The following SP140L variants were observed in gnomAD, a reference collection of about 807,000 sequenced individuals.
SP140L encodes the protein SP140 like nuclear body protein.
SP140L carries 64 observed loss-of-function variants against 84.3 expected under a neutral mutation model. The observed-to-expected ratio is 0.76, with a 90% confidence interval of 0.62 to 0.94. The LOEUF is 0.94. Among genes scored for constraint, SP140L ranks in the 40% least tolerant of loss-of-function variants. SP140L has a pLI of 0.00. For missense variants in SP140L, 628 were observed against 692.5 expected (o/e 0.91, Z 1.05); for synonymous variants, 242 against 236.9 (o/e 1.02, Z -0.20).
chr2:230,388,554 C>G lies in SP140L; in HGVS notation c.785-5C>G. 2 of 1,603,664 alleles carry G rather than the reference C, an allele frequency of 1.2e-6. No individual in the cohort carries two copies. The highest frequency in any genetic ancestry group is 8.5e-7 in the Non-Finnish European group (1 of 1,176,416). Reference sequence around the variant, plus strand: ...AACTGTGATTTTATTATTCTACTTTCTCAGGGAGAAAGAGAGGCAAACCTG... The same window carrying G: ...AACTGTGATTTTATTATTCTACTTTGTCAGGGAGAAAGAGAGGCAAACCTG... On this transcript the variant is annotated splice_polypyrimidine_tract_variant and splice_region_variant and intron_variant, in intron 9 of 18. Transcript: ENST00000415673.
At chr2:230,398,843 G>A (rs557615097) in intron 14 of SP140L, among the ~76,000 whole-genome samples, 5 of 152,230 alleles carry the variant, frequency 3.3e-5, no homozygotes, top group African/African-American at 9.6e-5. Context: ...GGCTGTCCCC[G>A]GCTTCCAGAG....
intron 3 of SP140L, among the ~76,000 whole-genome samples, chr2:230,358,208 A>G (rs778487550): frequency 2.6e-5 from 4 of 152,204 alleles, no homozygotes; most frequent in Non-Finnish European, 5.9e-5. Flanking sequence ...GAATTCATAC[A>G]CTATAACATA....
intron 2 of SP140L, among the ~76,000 whole-genome samples, chr2:230,335,001 G>A (rs116555616): frequency 0.024 from 3,598 of 152,016 alleles, 145 homozygotes; most frequent in African/African-American, 0.082. Context: ...CTCTTATAAA[G>A]TTTTAATTCT....
At chr2:230,332,463 C>T (rs1356450529) in intron 2 of SP140L, among the ~76,000 whole-genome samples, 2 of 152,178 alleles carry the variant, frequency 1.3e-5, no homozygotes, top group African/African-American at 4.8e-5. Context: ...AATCTGTTCA[C>T]ATAATAGGGC....
At chr2:230,383,640 G>C in intron 8 of SP140L, 65 bp downstream of exon 8, 1 of 1,499,604 alleles carries the variant, frequency 6.7e-7, no homozygotes, top group Non-Finnish European at 9.1e-7. Context: ...ATTGTATTCT[G>C]GAAGGCCTGC....
chr2:230,356,682 A>C (rs1051262938), intron 2 of SP140L, among the ~76,000 whole-genome samples: 16 of 152,156 alleles, frequency 1.1e-4, no homozygotes, highest in Non-Finnish European at 2.4e-4. Flanking sequence ...TCTCCCTTCA[A>C]ATCTCCACTG....
At chr2:230,374,384 G>A (rs1261709200) in intron 7 of SP140L, among the ~76,000 whole-genome samples, 3 of 152,044 alleles carry the variant, frequency 2.0e-5, no homozygotes, top group South Asian at 2.1e-4. Context: ...ATAAAACTGA[G>A]TGATAAGGAG....
intron 5 of SP140L, among the ~76,000 whole-genome samples, chr2:230,367,667 G>T (rs2149756270): frequency 6.6e-6 from 1 of 152,256 alleles, no homozygotes; most frequent in South Asian, 2.1e-4. Context: ...TTGTAGCTAG[G>T]CTGGGTGCGG....
At chr2:230,398,400 G>GA (rs1044204305) in intron 14 of SP140L, among the ~76,000 whole-genome samples, 9 of 151,758 alleles carry the variant, frequency 5.9e-5, no homozygotes, top group African/African-American at 2.2e-4. Flanking sequence ...TAAGTTTGGA[G>GA]AAAAAAAAGG....
intron 7 of SP140L, among the ~76,000 whole-genome samples, chr2:230,383,090 T>C (rs2061461190): frequency 6.6e-6 from 1 of 152,198 alleles, no homozygotes; most frequent in African/African-American, 2.4e-5. Flanking sequence ...ACTCTCCATA[T>C]CAGAGTTCAG....
chr2:230,387,684 T>C (rs2061642361), intron 9 of SP140L, among the ~76,000 whole-genome samples: 1 of 152,170 alleles, frequency 6.6e-6, no homozygotes, highest in Admixed American at 6.5e-5. Flanking sequence ...GCTTTCCTGC[T>C]TTGGAAAATA....
In SP140L at chr2:230,333,716, T is replaced by G. The variant is rs577868843; in HGVS notation, c.107+4885T>G. On this transcript the variant is annotated intron_variant, in intron 2 of 18. Coordinates refer to ENST00000415673, the MANE Select transcript of SP140L (RefSeq NM_138402.6). ...TTTATGTTTTGGAATTCCTGTTAGT[T>G]GGATATTGGGTTTCCTAGGTTGATC... Among the ~76,000 whole-genome samples the G allele has an allele frequency of 4.6e-5, 7 of 152,212 alleles. No individual in the cohort carries two copies. The South Asian group carries it at 1.5e-3, about 32-fold the overall frequency.
At chr2:230,362,067 G>A (rs1436777017) in intron 5 of SP140L, among the ~76,000 whole-genome samples, 2 of 152,138 alleles carry the variant, frequency 1.3e-5, no homozygotes, top group Admixed American at 6.5e-5. Context: ...TCAAAGAGGA[G>A]ACCCTTAGGG....
At chr2:230,342,231 T>G (rs1292237578) in intron 2 of SP140L, 1 of 158,270 alleles carries the variant, frequency 6.3e-6, no homozygotes, top group Non-Finnish European at 1.4e-5. Context: ...AAGCGCAGTA[T>G]TCAGGTGGGA....
chr2:230,372,957 C>T (rs1391255283), intron 7 of SP140L, among the ~76,000 whole-genome samples: 1 of 152,148 alleles, frequency 6.6e-6, no homozygotes, highest in Non-Finnish European at 1.5e-5. Context: ...AGTCTTATTG[C>T]TGATGTGGAG....
chr2:230,361,125 A>AT (rs1413090011), intron 4 of SP140L, among the ~76,000 whole-genome samples: 1 of 151,898 alleles, frequency 6.6e-6, no homozygotes, highest in East Asian at 1.9e-4. Context: ...GATTTTGCTA[A>AT]ATTTTTTTCA....
intron 9 of SP140L, among the ~76,000 whole-genome samples, chr2:230,387,556 C>G (rs1283293487): frequency 2.0e-5 from 3 of 152,062 alleles, no homozygotes; most frequent in Non-Finnish European, 2.9e-5. Context: ...GTTTAGAGCA[C>G]TTAGGAATAA....
intron 7 of SP140L, among the ~76,000 whole-genome samples, chr2:230,381,728 A>G (rs908538416): frequency 5.3e-5 from 8 of 150,252 alleles, no homozygotes; most frequent in African/African-American, 2.0e-4. Context: ...ACACACACAC[A>G]CACACACACA....
chr2:230,339,754 C>G (rs1290245915), intron 2 of SP140L, among the ~76,000 whole-genome samples: 1 of 140,044 alleles, frequency 7.1e-6, no homozygotes, highest in Non-Finnish European at 1.6e-5. Flanking sequence ...TTGTTATGTA[C>G]CCAGTAGTCA....
Sources: allele counts gnomAD v4.1 joint callset (sites outside exome capture counted in the v4.1 genomes callset), GRCh38; gene constraint gnomAD v4.1.1; transcripts MANE v1.5; gene names NCBI Gene and HGNC (gene_info 2026-07-23, HGNC 2026-07-21).